Variants in WDPCP observed in about 807,000 individuals in gnomAD.
WDPCP encodes WD repeat containing planar cell polarity effector.
WDPCP carries 71 observed loss-of-function variants against 93.1 expected under a neutral mutation model. The observed-to-expected ratio is 0.76, with a 90% confidence interval of 0.63 to 0.93. The LOEUF (loss-of-function observed/expected upper bound fraction) is 0.93, where lower values mean the gene tolerates loss of function less well. Among genes scored for constraint, WDPCP ranks in the 40% least tolerant of loss-of-function variants. The pLI is 0.00. For synonymous variants in WDPCP, 315 were observed against 315.0 expected (o/e 1.00, Z 0.00); for missense variants, 844 against 887.4 (o/e 0.95, Z 0.62).
chr2:63,794,052 T>C (rs888244687), intron 2 of WDPCP, among the ~76,000 whole-genome samples: 1 of 152,180 alleles, frequency 6.6e-6, no homozygotes, highest in Non-Finnish European at 1.5e-5. Flanking sequence ...AGATGTTAGA[T>C]ACTGGTTGTT....
chr2:63,280,712 A>G (rs1683470071), intron 13 of WDPCP, among the ~76,000 whole-genome samples: 2 of 152,202 alleles, frequency 1.3e-5, no homozygotes, highest in Admixed American at 6.5e-5. Context: ...AAAGCAAACA[A>G]ATACATAAAG....
At chr2:63,364,672 T>C (rs1172677798) in intron 12 of WDPCP, among the ~76,000 whole-genome samples, 1 of 152,184 alleles carries the variant, frequency 6.6e-6, no homozygotes, top group Non-Finnish European at 1.5e-5. Context: ...TCTTAATCCA[T>C]TCTCACAATA....
At chr2:63,382,677 T>G (rs1391348606) in intron 10 of WDPCP, among the ~76,000 whole-genome samples, 2 of 152,154 alleles carry the variant, frequency 1.3e-5, no homozygotes, top group African/African-American at 4.8e-5. Flanking sequence ...CATCATCATT[T>G]AACTGGAATA....
At chr2:63,540,925 T>C (rs1304870751) in intron 1 of WDPCP, among the ~76,000 whole-genome samples, 1 of 151,942 alleles carries the variant, frequency 6.6e-6, no homozygotes, top group Non-Finnish European at 1.5e-5. Context: ...TGTGTTTTTC[T>C]GTTTTTGTTT....
At chr2:63,481,066 A>G (rs1700239847) in intron 6 of WDPCP, among the ~76,000 whole-genome samples, 1 of 152,160 alleles carries the variant, frequency 6.6e-6, no homozygotes, top group Admixed American at 6.6e-5. Context: ...TCCCATAAAA[A>G]AAGTGGGTTA....
In WDPCP at chr2:63,381,897, A is replaced by C. The variant is rs1692341730; in HGVS notation, c.1624+9T>G. On this transcript the variant is annotated intron_variant, in intron 11 of 17. Transcript: ENST00000272321. ...AAAACTCATCAATGAAAAATATTTC[A>C]AGTCTGACCTTCTCTCTCTGGAGTG... is the stretch of plus-strand genomic sequence containing the variant. 3 of 1,612,656 alleles carry C rather than the reference A, an allele frequency of 1.9e-6. No homozygotes were observed. The Middle Eastern group carries it at 5.0e-4, about 267-fold the overall frequency.
At chr2:63,261,190 T>C (rs199736584) in intron 13 of WDPCP, among the ~76,000 whole-genome samples, 1 of 21,518 alleles carries the variant, frequency 4.6e-5, no homozygotes, top group Non-Finnish European at 6.6e-5. Flanking sequence ...TTTTTTTCTG[T>C]TTTTTTTTTT....
chr2:63,344,037 G>T (rs11897015), intron 12 of WDPCP, among the ~76,000 whole-genome samples: 83,962 of 151,904 alleles, frequency 0.55, 23,517 homozygotes, highest in Admixed American at 0.63. Flanking sequence ...CCAGGGATAC[G>T]TTCTATTTTT....
intron 1 of WDPCP, among the ~76,000 whole-genome samples, chr2:63,512,746 T>A (rs1702314845): frequency 6.6e-6 from 1 of 150,502 alleles, no homozygotes; most frequent in African/African-American, 2.4e-5. Context: ...CTGTTGGGAG[T>A]TGGGGGGCAA....
chr2:63,708,547 AG>A (rs1669206072), intron 2 of WDPCP, among the ~76,000 whole-genome samples: 1 of 152,182 alleles, frequency 6.6e-6, no homozygotes, highest in Admixed American at 6.5e-5. Context: ...TGACTAGGAA[AG>A]GGAATTCCCT....
chr2:63,323,182 A>G (rs1253068024), intron 12 of WDPCP, among the ~76,000 whole-genome samples: 1 of 152,186 alleles, frequency 6.6e-6, no homozygotes, highest in Non-Finnish European at 1.5e-5. Context: ...TTGCCCATCT[A>G]TTCTATCTAC....
chr2:63,484,080 A>C (rs1322406402), intron 6 of WDPCP, among the ~76,000 whole-genome samples: 1 of 152,026 alleles, frequency 6.6e-6, no homozygotes, highest in Non-Finnish European at 1.5e-5. Context: ...TTTTTATTTT[A>C]TTTAATTATT....
intron 9 of WDPCP, among the ~76,000 whole-genome samples, chr2:63,411,434 A>C (rs1209004770): frequency 6.6e-6 from 1 of 152,184 alleles, no homozygotes; most frequent in Non-Finnish European, 1.5e-5. Context: ...AAAGACTGAA[A>C]GAGCAGAAAC....
intron 1 of WDPCP, among the ~76,000 whole-genome samples, chr2:63,524,684 T>C (rs566757437): frequency 3.3e-5 from 5 of 152,246 alleles, no homozygotes; most frequent in South Asian, 2.1e-4. Context: ...ATTCTAGACA[T>C]AGGACTTCGC....
At chr2:63,840,471 G>A in the WDPCP span, among the ~76,000 whole-genome samples, 4 of 152,212 alleles carry the variant, frequency 2.6e-5, no homozygotes, top group Admixed American at 6.5e-5. Context: ...GTTCCGGTGA[G>A]GGAGCCTTCA....
At chr2:63,299,257 T>C (rs1335948440) in intron 13 of WDPCP, among the ~76,000 whole-genome samples, 1 of 152,226 alleles carries the variant, frequency 6.6e-6, no homozygotes, top group Non-Finnish European at 1.5e-5. Flanking sequence ...CCATCCAAGC[T>C]GCCTACAGCT....
At chr2:63,192,428 G>A (rs971888763) in intron 14 of WDPCP, among the ~76,000 whole-genome samples, 1 of 152,168 alleles carries the variant, frequency 6.6e-6, no homozygotes, top group Non-Finnish European at 1.5e-5. Flanking sequence ...GGAGACTCCT[G>A]GTTGCTAGGT....
At chr2:63,414,681 A>T (rs1178993316) in intron 9 of WDPCP, among the ~76,000 whole-genome samples, 1 of 152,188 alleles carries the variant, frequency 6.6e-6, no homozygotes, top group Non-Finnish European at 1.5e-5. Flanking sequence ...AGTTATAAAG[A>T]TGCAAAGGCC....
At chr2:63,776,655 CAAAA>C (rs778768889) in intron 2 of WDPCP, among the ~76,000 whole-genome samples, 1 of 54,014 alleles carries the variant, frequency 1.9e-5, no homozygotes. Flanking sequence ...GGCCCTGTCT[CAAAA>C]AAAAAAAAAA....
Sources: gnomAD v4.1 joint callset for allele counts (sites outside exome capture counted in the v4.1 genomes callset) on GRCh38, gnomAD v4.1.1 for gene constraint, MANE v1.5 for transcripts, NCBI Gene and HGNC (gene_info 2026-07-23, HGNC 2026-07-21) for gene names.